Variants in MORF4L1 observed in about 807,000 individuals in gnomAD.
MORF4L1 encodes the protein mortality factor 4 like 1, also known as mortality factor 4-like protein 1.
A neutral mutation model predicts 52.9 loss-of-function variants in MORF4L1; 4 were observed. The observed-to-expected ratio is 0.08, with a 90% CI of 0.04 to 0.17. The LOEUF is 0.17. Ranked by LOEUF, MORF4L1 falls within the 10% of genes least tolerant of loss-of-function variation. The pLI, the probability that MORF4L1 is intolerant of heterozygous loss-of-function variation, is 1.00. For missense variants in MORF4L1, 214 were observed against 390.4 expected (o/e 0.55, Z 3.81); for synonymous variants, 123 against 134.8 (o/e 0.91, Z 0.61).
intron 3 of MORF4L1, among the ~76,000 whole-genome samples, chr15:78,883,570 G>A (rs2056640949): frequency 6.6e-6 from 1 of 152,186 alleles, no homozygotes; most frequent in African/African-American, 2.4e-5. Flanking sequence ...ATAGGTTTGT[G>A]TAGATTTTTT....
chr15:78,896,850 A>G, intron 11 of MORF4L1, 133 bp from the exon 12 acceptor site: 1 of 635,526 alleles, frequency 1.6e-6, no homozygotes, highest in East Asian at 3.0e-5. Context: ...GTGTGGTTTT[A>G]CTGTGAGAGA....
At chr15:78,873,139 G>C (rs569002520) in intron 1 of MORF4L1, 82 bp downstream of exon 1, 6 of 1,536,652 alleles carry the variant, frequency 3.9e-6, no homozygotes, top group East Asian at 5.0e-5. Context: ...CTTGAGGGCC[G>C]GGGGCGGCGC....
intron 1 of MORF4L1, chr15:78,873,355 A>G (rs186039350): frequency 3.0e-6 from 2 of 665,802 alleles, no homozygotes; most frequent in Non-Finnish European, 4.1e-6. Context: ...CGGAGAGAGC[A>G]GCCTATTGTA....
intron 1 of MORF4L1, chr15:78,876,562 A>G (rs1352266367): frequency 2.2e-5 from 10 of 455,982 alleles, no homozygotes; most frequent in South Asian, 1.2e-4. Context: ...TTTTTCCGGC[A>G]GTAGCAGCCA....
At chr15:78,881,115 C>T (rs1185413530) in intron 3 of MORF4L1, among the ~76,000 whole-genome samples, 1 of 144,208 alleles carries the variant, frequency 6.9e-6, no homozygotes, top group Non-Finnish European at 1.5e-5. Flanking sequence ...CTTCATGTGA[C>T]TCACTTTTTA....
chr15:78,880,963 C>T (rs1291433082), intron 3 of MORF4L1, among the ~76,000 whole-genome samples: 4 of 149,832 alleles, frequency 2.7e-5, no homozygotes, highest in Admixed American at 6.7e-5. Flanking sequence ...TTATTTCAAG[C>T]AGCTGTGCTA....
chr15:78,880,436 C>A, intron 2 of MORF4L1, 76 bp from the exon 3 acceptor site: 1 of 1,063,618 alleles, frequency 9.4e-7, no homozygotes, highest in Non-Finnish European at 1.4e-6. Context: ...TGTAGAGTGT[C>A]TTTGAAGGAT....
intron 6 of MORF4L1, 66 bp downstream of exon 6, chr15:78,891,080 A>T (rs1717070495): frequency 1.4e-6 from 2 of 1,430,474 alleles, no homozygotes; most frequent in Non-Finnish European, 1.9e-6. Context: ...TTTTATTTTG[A>T]AAGCTATGAA....
chr15:78,888,349 C>G (rs925269597), intron 5 of MORF4L1, among the ~76,000 whole-genome samples: 4 of 151,912 alleles, frequency 2.6e-5, no homozygotes, highest in Non-Finnish European at 4.4e-5. Flanking sequence ...TGCTTGTAGT[C>G]CCACCTATTC....
intron 8 of MORF4L1, 64 bp downstream of exon 8, chr15:78,892,377 T>C: frequency 8.6e-7 from 1 of 1,167,432 alleles, no homozygotes; most frequent in South Asian, 1.3e-5. Context: ...AAAAAAAGTT[T>C]TTAAAGGAAA....
At chr15:78,886,005 A>G in intron 3 of MORF4L1, 136 bp from the exon 4 acceptor site, 2 of 654,340 alleles carry the variant, frequency 3.1e-6, no homozygotes, top group Non-Finnish European at 5.5e-6. Context: ...TTAGATCTTC[A>G]TTTTAGTTGA....
At chr15:78,874,562 T>G (rs965392423) in intron 1 of MORF4L1, among the ~76,000 whole-genome samples, 7 of 148,740 alleles carry the variant, frequency 4.7e-5, no homozygotes, top group Non-Finnish European at 8.9e-5. Flanking sequence ...AGGGTTTTTG[T>G]TTTTTCTTTT....
chr15:78,873,196 G>T (rs1302267587), intron 1 of MORF4L1, 139 bp downstream of exon 1: 2 of 1,516,440 alleles, frequency 1.3e-6, no homozygotes, highest in Non-Finnish European at 8.8e-7. Context: ...TGCGGGGAAA[G>T]CGCATTGCGG....
At chr15:78,887,184 TA>T in intron 4 of MORF4L1, 84 bp from the exon 5 acceptor site, 1 of 1,170,714 alleles carries the variant, frequency 8.5e-7, no homozygotes, top group Non-Finnish European at 1.2e-6. Context: ...AATTTGAATG[TA>T]AATTCCTAAT....
At chr15:78,876,856 T>G (rs570708789) in intron 1 of MORF4L1, among the ~76,000 whole-genome samples, 1 of 152,232 alleles carries the variant, frequency 6.6e-6, no homozygotes, top group South Asian at 2.1e-4. Flanking sequence ...AAAAATAAAG[T>G]TAATAGGTCG....
Position 78,885,323 on chromosome 15 carries a change from T to C in MORF4L1, c.156-818T>C, listed in dbSNP as rs189874092. Among the ~76,000 whole-genome samples the C allele has an allele frequency of 5.9e-5, 9 of 152,306 alleles. No individual in the cohort carries two copies. The East Asian group carries it at 1.5e-3, about 26-fold the overall frequency. ...AAAAAGTTAGCATTCCCTAAGAAAT[T>C]ACATTGTTTTTGTTTGCCATTTTGG... On this transcript the variant is annotated intron_variant, in intron 3 of 11. Transcript: ENST00000426013.
At chr15:78,883,929 G>A (rs752486328) in intron 3 of MORF4L1, among the ~76,000 whole-genome samples, 3 of 152,180 alleles carry the variant, frequency 2.0e-5, no homozygotes, top group Non-Finnish European at 2.9e-5. Context: ...TTCTGGGCCA[G>A]GCGCGGTGGC....
intron 3 of MORF4L1, among the ~76,000 whole-genome samples, chr15:78,881,189 C>CTTTTTTTTT (rs570514618): frequency 0.044 from 2,979 of 67,054 alleles, 331 homozygotes; most frequent in African/African-American, 0.051. Context: ...AGAGTTAAGC[C>CTTTTTTTTT]TTTTTTTTTT....
At chr15:78,874,458 C>G (rs973878321) in intron 1 of MORF4L1, among the ~76,000 whole-genome samples, 1 of 152,150 alleles carries the variant, frequency 6.6e-6, no homozygotes, top group East Asian at 1.9e-4. Flanking sequence ...CCTCTGCCCC[C>G]CACCCGGGCT....
Sources: allele counts gnomAD v4.1 joint callset (sites outside exome capture counted in the v4.1 genomes callset), GRCh38; gene constraint gnomAD v4.1.1; transcripts MANE v1.5; gene names NCBI Gene and HGNC (gene_info 2026-07-23, HGNC 2026-07-21).